WRNIP1: variants seen among roughly 807,000 people sequenced by gnomAD.
WRNIP1 encodes WRN helicase interacting protein 1.
Under a neutral mutation model 56.1 loss-of-function variants are expected in WRNIP1, and 41 were observed. The ratio of observed to expected loss-of-function variants is 0.73; its 90% CI spans 0.57 to 0.95. WRNIP1 has a LOEUF of 0.95. WRNIP1 is among the 40% of genes least tolerant of loss of function. WRNIP1 has a pLI of 0.00. For synonymous variants in WRNIP1, 547 were observed against 398.1 expected (o/e 1.37, Z -4.45); for missense variants, 1,170 against 939.4 (o/e 1.25, Z -3.21).
chr6:2,768,651 T>C (rs754781649), intron 1 of WRNIP1, 40 bp from the exon 2 acceptor site: 8 of 1,543,526 alleles, frequency 5.2e-6, no homozygotes, highest in Non-Finnish European at 5.3e-6. Flanking sequence ...TCTCTGTGTC[T>C]TACCAGCTTT....
chr6:2,778,946 A>T (rs1305290441), intron 3 of WRNIP1, among the ~76,000 whole-genome samples: 1 of 152,216 alleles, frequency 6.6e-6, no homozygotes, highest in Non-Finnish European at 1.5e-5. Context: ...TGTGCAGGGT[A>T]GAACCAGAGA....
rs1330383998 is a variant in WRNIP1 at position 2,765,865 on chromosome 6, G to A, written c.243G>A (p.Lys81=). 6.9e-7 allele frequency: 1 copy of A among 1,442,562 alleles called. No individual in the cohort carries two copies. The highest frequency in any genetic ancestry group is 2.5e-5 in the Admixed American group (1 of 40,654). 89.4% of individuals were successfully genotyped at this position (1,442,562 alleles called of 1,614,324 possible). Reference sequence around the variant, plus strand: ...GGCTGTCGGAGAGCTCGGCGCTGAAGCAGCCAGCCACCCCGACGGCAGCCG... The same window carrying A: ...GGCTGTCGGAGAGCTCGGCGCTGAAACAGCCAGCCACCCCGACGGCAGCCG... ...RRRLSESSAL[K]QPATPTAAES... is the part of the protein sequence containing the mutation. The change falls in exon 1 of 7, where the codon AAG becomes AAA. Residue 81 remains lysine (K), a synonymous_variant. Coordinates refer to ENST00000380773, the MANE Select transcript of WRNIP1 (RefSeq NM_020135.3).
intron 3 of WRNIP1, among the ~76,000 whole-genome samples, chr6:2,778,650 C>T (rs541020327): frequency 2.0e-5 from 3 of 152,158 alleles, no homozygotes; most frequent in Admixed American, 6.5e-5. Flanking sequence ...ATGAGATGAC[C>T]TACTGCAGCA....
chr6:2,767,276 T>TA (rs1226565319), intron 1 of WRNIP1, among the ~76,000 whole-genome samples: 1 of 152,162 alleles, frequency 6.6e-6, no homozygotes, highest in Non-Finnish European at 1.5e-5. Flanking sequence ...AAGAAGTGCT[T>TA]AAATACAGGA....
intron 2 of WRNIP1, 41 bp from the exon 3 acceptor site, chr6:2,770,079 T>C: frequency 6.2e-7 from 1 of 1,611,476 alleles, no homozygotes; most frequent in Non-Finnish European, 8.5e-7. Flanking sequence ...CAGGTGGCTG[T>C]TGACTGGAAT....
chr6:2,770,351 A>T lies in WRNIP1; in HGVS notation c.1246A>T (p.Ser416Cys). ...PTDPLSHSSN[S>C]SSEPAMFIED... Reference sequence around the variant, plus strand: ...TGACCCTCTGAGCCACAGCAGCAACAGCAGCTCAGAGTAAGTTGACAGTGT... The same window carrying T: ...TGACCCTCTGAGCCACAGCAGCAACTGCAGCTCAGAGTAAGTTGACAGTGT... Residue 416 changes from serine (S) to cysteine (C), a missense_variant, in exon 3 of 7, where the codon AGC becomes TGC. Physicochemically the swap from Ser to Cys is moderately radical, Grantham distance 112. Transcript: ENST00000380773. 6.2e-7 allele frequency: 1 copy of T among 1,614,180 alleles called. No homozygotes were observed. Among genetic ancestry groups the T allele is most frequent in the Non-Finnish European group, 8.5e-7 (1 of 1,180,024 alleles).
intron 3 of WRNIP1, chr6:2,773,226 T>C (rs1364604985): frequency 2.0e-6 from 2 of 985,310 alleles, no homozygotes; most frequent in Non-Finnish European, 2.4e-6. Context: ...TCAGTCAAAA[T>C]TGAAGCTCCT....
chr6:2,784,200 T>C (rs545063236), intron 5 of WRNIP1, 124 bp from the exon 6 acceptor site: 8 of 765,464 alleles, frequency 1.0e-5, no homozygotes, highest in East Asian at 2.8e-5. Context: ...CAGGCTGTTT[T>C]GCTACATGGG....
intron 3 of WRNIP1, among the ~76,000 whole-genome samples, chr6:2,772,297 A>C (rs762890757): frequency 6.6e-6 from 1 of 152,166 alleles, no homozygotes; most frequent in African/African-American, 2.4e-5. Context: ...TTCAGAGAAA[A>C]CTTCCCATAT....
At chr6:2,780,399 G>C (rs188164451) in intron 4 of WRNIP1, among the ~76,000 whole-genome samples, 92 of 152,332 alleles carry the variant, frequency 6.0e-4, no homozygotes, top group African/African-American at 2.1e-3. Flanking sequence ...CTCTTCGTGG[G>C]TGAGCACACT....
intron 3 of WRNIP1, among the ~76,000 whole-genome samples, chr6:2,778,649 C>G (rs1208901023): frequency 6.6e-6 from 1 of 152,164 alleles, no homozygotes; most frequent in Non-Finnish European, 1.5e-5. Flanking sequence ...TATGAGATGA[C>G]CTACTGCAGC....
At position 2,766,268 on chromosome 6, in the gene WRNIP1, G is replaced by T. The variant is rs1286719689; in HGVS notation, c.646G>T (p.Glu216Ter). The change falls in exon 1 of 7, where the codon GAG becomes TAG. Residue 216 changes from glutamate to a stop codon, truncating the protein, a stop_gained. Transcript: ENST00000380773. LOFTEE classifies it high-confidence loss of function. ...CCCGCACCCCCGGGCGCTGGCTGCC[G>T]AGGAGATCCGACAGATGCTACAGGG... The part of the protein sequence containing the change: ...GRPHPRALAA[E>*]EIRQMLQGKP... 1 of 1,566,162 alleles carries T rather than the reference G, an allele frequency of 6.4e-7. No individual in the cohort carries two copies.
intron 1 of WRNIP1, among the ~76,000 whole-genome samples, chr6:2,767,037 T>TTTTTTATCTGCAAGTCA (rs1765045059): frequency 6.6e-6 from 1 of 152,244 alleles, no homozygotes. Flanking sequence ...ACATAAAAAC[T>TTTTTTATCTGCAAGTCA]TTTTCATCTG....
intron 4 of WRNIP1, among the ~76,000 whole-genome samples, chr6:2,782,005 C>G (rs1765572337): frequency 6.6e-6 from 1 of 152,216 alleles, no homozygotes; most frequent in African/African-American, 2.4e-5. Flanking sequence ...CTGGCATTGA[C>G]AAAGTGGGAA....
chr6:2,779,949 T>C (rs1412169595), intron 4 of WRNIP1, among the ~76,000 whole-genome samples: 4 of 152,212 alleles, frequency 2.6e-5, no homozygotes, highest in Admixed American at 2.6e-4. Flanking sequence ...TAAAAAATAG[T>C]CATGGATCTT....
chr6:2,783,653 T>TTTTTTCAGGGGGG, intron 5 of WRNIP1, 92 bp downstream of exon 5: 1 of 119,820 alleles, frequency 8.3e-6, no homozygotes, highest in Non-Finnish European at 1.1e-5. Context: ...TTTTTTTTTT[T>TTTTTTCAGGGGGG]GCAGGGCGGG....
intron 6 of WRNIP1, 55 bp from the exon 7 acceptor site, chr6:2,784,952 C>A: frequency 6.3e-7 from 1 of 1,597,972 alleles, no homozygotes; most frequent in Non-Finnish European, 8.5e-7. Context: ...AGGGGCTCTG[C>A]AGAACAGAAG....
At chr6:2,772,652 T>A (rs1765330193) in intron 3 of WRNIP1, among the ~76,000 whole-genome samples, 1 of 152,230 alleles carries the variant, frequency 6.6e-6, no homozygotes, top group South Asian at 2.1e-4. Flanking sequence ...AACCATTAAT[T>A]GGTCAACTTG....
At chr6:2,773,036 G>A (rs1331398696) in intron 3 of WRNIP1, 19 of 985,300 alleles carry the variant, frequency 1.9e-5, no homozygotes, top group Admixed American at 6.1e-5. Flanking sequence ...TGAACTGCAC[G>A]TGAGAGGAGG....
Sources: allele counts gnomAD v4.1 joint callset (sites outside exome capture counted in the v4.1 genomes callset), GRCh38; gene constraint gnomAD v4.1.1; transcripts MANE v1.5; gene names NCBI Gene and HGNC (gene_info 2026-07-23, HGNC 2026-07-21).